The following FRZB variants were observed in gnomAD, a reference collection of about 807,000 sequenced individuals.
FRZB encodes frizzled related protein, also known as secreted frizzled-related protein 3.
Under a neutral mutation model 32.5 loss-of-function variants are expected in FRZB, and 34 were observed. That is an observed-to-expected ratio of 1.05 (90% CI 0.80 to 1.39). FRZB has a LOEUF of 1.39. Ranked by LOEUF, FRZB falls within the 40% of genes most tolerant of loss-of-function variation. The pLI is 0.00. For missense variants in FRZB, 423 were observed against 424.8 expected, an observed-to-expected ratio of 1.00 and a Z score of 0.04; for synonymous variants, 170 against 159.2, an observed-to-expected ratio of 1.07 and a Z score of -0.51.
intron 2 of FRZB, among the ~76,000 whole-genome samples, chr2:182,856,021 A>T (rs1695764289): frequency 6.6e-6 from 1 of 152,118 alleles, no homozygotes; most frequent in South Asian, 2.1e-4. Context: ...GCAAACCTAG[A>T]ATTCTGTATG....
At chr2:182,854,208 G>C (rs995168319) in intron 2 of FRZB, among the ~76,000 whole-genome samples, 5 of 152,158 alleles carry the variant, frequency 3.3e-5, no homozygotes, top group Non-Finnish European at 7.3e-5. Flanking sequence ...GTTGCAGAGA[G>C]TGGTTACTTT....
chr2:182,852,336 G>T (rs2105759721), intron 2 of FRZB, among the ~76,000 whole-genome samples: 1 of 152,310 alleles, frequency 6.6e-6, no homozygotes, highest in South Asian at 2.1e-4. Flanking sequence ...GCTACCCAGA[G>T]GAGCTTCTCT....
chr2:182,854,923 A>T (rs1473846527), intron 2 of FRZB, among the ~76,000 whole-genome samples: 1 of 152,208 alleles, frequency 6.6e-6, no homozygotes, highest in Non-Finnish European at 1.5e-5. Context: ...GGATTTTGTA[A>T]AGTTGTTTAT....
Position 182,836,982 on chromosome 2 carries a change from C to T in FRZB, c.861+966G>A, listed in dbSNP as rs564405191. On this transcript the variant is annotated intron_variant, in intron 5 of 5. Coordinates refer to ENST00000295113, the MANE Select transcript of FRZB (RefSeq NM_001463.4). Reference sequence around the variant, plus strand: ...CAAGTGCCAGATGTATAAGATAAACCGCCCAGGGGTGTTTAACTTACCATG... The same window carrying T: ...CAAGTGCCAGATGTATAAGATAAACTGCCCAGGGGTGTTTAACTTACCATG... 2.0e-5 allele frequency among the ~76,000 whole-genome samples: 3 copies of T among 152,022 alleles called. No individual in the cohort carries two copies. In the South Asian group the frequency reaches 6.2e-4, roughly 32 times the overall value.
intron 5 of FRZB, among the ~76,000 whole-genome samples, chr2:182,835,610 T>C (rs1165169815): frequency 2.0e-5 from 3 of 152,138 alleles, no homozygotes; most frequent in Admixed American, 1.3e-4. Context: ...ATGTCAATAA[T>C]ATTTTCATGT....
intron 2 of FRZB, among the ~76,000 whole-genome samples, chr2:182,853,649 A>G (rs1695733956): frequency 6.6e-6 from 1 of 152,216 alleles, no homozygotes; most frequent in South Asian, 2.1e-4. Flanking sequence ...CAGATCAAAC[A>G]TATCACCATG....
At chr2:182,855,922 G>A (rs544872689) in intron 2 of FRZB, among the ~76,000 whole-genome samples, 4 of 152,076 alleles carry the variant, frequency 2.6e-5, no homozygotes, top group Admixed American at 6.6e-5. Context: ...TTACTTACAG[G>A]GAAACAATTA....
chr2:182,855,773 T>C (rs1214515515), intron 2 of FRZB, among the ~76,000 whole-genome samples: 1 of 152,124 alleles, frequency 6.6e-6, no homozygotes, highest in African/African-American at 2.4e-5. Flanking sequence ...ACATTATAAA[T>C]TTATAGATTC....
chr2:182,845,729 T>C (rs1401943162), intron 2 of FRZB, among the ~76,000 whole-genome samples: 1 of 152,142 alleles, frequency 6.6e-6, no homozygotes, highest in Non-Finnish European at 1.5e-5. Flanking sequence ...AGTGCTACAT[T>C]TACCAGCAGC....
At position 182,838,583 on chromosome 2, in the gene FRZB, G is replaced by A. The variant is rs954975221; in HGVS notation, c.623C>T (p.Thr208Ile). Residue 208 changes from threonine to isoleucine, a missense_variant, in exon 4 of 6, where the codon ACT becomes ATT. Coordinates refer to ENST00000295113, the MANE Select transcript of FRZB (RefSeq NM_001463.4). Reference sequence around the variant, plus strand: ...TACTGCAGTCACATCATGGCACTTAGTCTTTATCTCTTTAACTTTAGCCCG... The same window carrying A: ...TACTGCAGTCACATCATGGCACTTAATCTTTATCTCTTTAACTTTAGCCCG... ...VIRAKVKEIK[T>I]KCHDVTAVVE... 2 of 1,612,670 alleles carry A rather than the reference G, an allele frequency of 1.2e-6. No homozygotes were observed.
rs140335268 is a variant in FRZB, at chr2:182,836,156, G to A, written c.862-1191C>T. On this transcript the variant is annotated intron_variant, in intron 5 of 5. Coordinates refer to ENST00000295113, the MANE Select transcript of FRZB (RefSeq NM_001463.4). ...CAAGGAAGTCCAAACATCTTGAATC[G>A]TCTGCTATAAGAGACTTAGGTAAAC... is the stretch of plus-strand genomic sequence containing the variant. Among the ~76,000 whole-genome samples, 163 of 151,708 alleles carry A rather than the reference G, an allele frequency of 1.1e-3. 1 individual carries two copies. The highest frequency in any genetic ancestry group is 3.4e-3 in the Middle Eastern group (1 of 292).
intron 2 of FRZB, 102 bp from the exon 3 acceptor site, chr2:182,842,645 T>A: frequency 1.2e-6 from 1 of 814,422 alleles, no homozygotes; most frequent in Non-Finnish European, 2.0e-6. Context: ...AATTTGGTGG[T>A]GAGAAGGCTC....
intron 2 of FRZB, among the ~76,000 whole-genome samples, chr2:182,854,253 T>C (rs977955569): frequency 6.6e-6 from 1 of 152,322 alleles, no homozygotes; most frequent in Middle Eastern, 3.4e-3. Flanking sequence ...TGCACTTTTC[T>C]GCATGCATGT....
intron 1 of FRZB, among the ~76,000 whole-genome samples, chr2:182,865,398 G>A (rs533458975): frequency 6.6e-6 from 1 of 152,240 alleles, no homozygotes; most frequent in South Asian, 2.1e-4. Flanking sequence ...CTAATTAACA[G>A]TGCATAGCAA....
Position 182,866,364 on chromosome 2 carries a change from G to A in FRZB, c.189C>T (p.Ala63=). ...MPNHLHHSTQ[A]NAILAIEQFE... is the part of the protein sequence containing the mutation. ...ACTGCTCGATGGCCAGGATGGCGTT[G>A]GCCTGAGTGCTGTGGTGCAGGTGGT... is the stretch of plus-strand genomic sequence containing the variant. Residue 63 remains alanine, a synonymous_variant, in exon 1 of 6, where the codon GCC becomes GCT. Transcript: ENST00000295113. This position sits in a 1 kb window ranked among gnomAD's most constrained non-coding sequence, Gnocchi z 4.5. The A allele has an allele frequency of 6.2e-7, 1 of 1,614,020 alleles. No individual in the cohort carries two copies. The highest frequency in any genetic ancestry group is 1.3e-5 in the African/African-American group (1 of 75,056).
At chr2:182,856,962 T>A (rs1044765855) in intron 2 of FRZB, among the ~76,000 whole-genome samples, 7 of 151,956 alleles carry the variant, frequency 4.6e-5, no homozygotes, top group African/African-American at 1.7e-4. Flanking sequence ...ATCAACTAAA[T>A]TGAATTGACA....
In FRZB at chr2:182,834,565, C is replaced by T; in HGVS notation, c.*284G>A. 2.6e-6 allele frequency: 1 copy of T among 388,402 alleles called. No individual in the cohort carries two copies. Among genetic ancestry groups the T allele is most frequent in the Non-Finnish European group, 4.7e-6 (1 of 213,184 alleles). 24.1% of individuals were successfully genotyped at this position (388,402 alleles called of 1,614,324 possible). ...TCCAGCAAAGAGGCTCTGGTAACAGCATGTTTAATTTATTATTATTGCAAA... is the reference window on the plus strand; with the variant it reads ...TCCAGCAAAGAGGCTCTGGTAACAGTATGTTTAATTTATTATTATTGCAAA... On this transcript the variant is annotated 3_prime_UTR_variant, in exon 6 of 6. Coordinates refer to ENST00000295113, the MANE Select transcript of FRZB (RefSeq NM_001463.4).
intron 2 of FRZB, among the ~76,000 whole-genome samples, chr2:182,854,807 A>G (rs968623812): frequency 2.0e-5 from 3 of 152,230 alleles, no homozygotes; most frequent in Admixed American, 1.3e-4. Context: ...CACAAGAAGC[A>G]AATCACAGAG....
At chr2:182,835,483 C>G (rs1695514415) in intron 5 of FRZB, among the ~76,000 whole-genome samples, 1 of 151,882 alleles carries the variant, frequency 6.6e-6, no homozygotes, top group African/African-American at 2.4e-5. Flanking sequence ...AAGTAATATC[C>G]ACTAAGTACA....
Sources: allele counts gnomAD v4.1 joint callset (sites outside exome capture counted in the v4.1 genomes callset), GRCh38; gene constraint gnomAD v4.1.1; non-coding constraint Gnocchi (gnomAD v3.1); transcripts MANE v1.5; gene names NCBI Gene and HGNC (gene_info 2026-07-23, HGNC 2026-07-21).